Variants in MYOM1 observed in about 807,000 individuals in gnomAD.
The protein encoded by MYOM1 is myomesin 1.
Under a neutral mutation model 205.3 loss-of-function variants are expected in MYOM1, and 164 were observed. The observed-to-expected ratio is 0.80, with a 90% confidence interval of 0.70 to 0.91. The LOEUF (loss-of-function observed/expected upper bound fraction) is 0.91. Ranked by LOEUF, MYOM1 falls within the 40% of genes least tolerant of loss-of-function variation. The probability of loss-of-function intolerance (pLI) is 0.00; values close to 1 mark genes in which losing one functional copy is unlikely to be tolerated. For synonymous variants in MYOM1, 772 were observed against 789.4 expected (o/e 0.98, Z 0.37); for missense variants, 2,011 against 2,127.3 (o/e 0.95, Z 1.08).
In MYOM1 at chr18:3,071,878, C is replaced by A. The variant is rs1408010275; in HGVS notation, c.4720G>T (p.Val1574Leu). The A allele has an allele frequency of 6.2e-7, 1 of 1,605,298 alleles. No homozygotes were observed. The highest frequency in any genetic ancestry group is 8.5e-7 in the Non-Finnish European group (1 of 1,175,842). Residue 1574 changes from valine (V) to leucine (L), a missense_variant, in exon 37 of 38, where the codon GTG becomes TTG. Transcript: ENST00000356443. ...ACCACGTCTGGGAGACCTCCCAACA[C>A]CCGGGCACGATCTGCAAGCATAGGC... ...AAIAEKNRAR[V>L]LGGLPDVVTI...
intron 13 of MYOM1, 147 bp downstream of exon 13, chr18:3,148,998 T>C: frequency 1.5e-6 from 1 of 687,912 alleles, no homozygotes; most frequent in South Asian, 1.6e-5. Flanking sequence ...AATGGGATTC[T>C]CTGACATAAG....
chr18:3,121,791 C>T (rs893404610), intron 19 of MYOM1, among the ~76,000 whole-genome samples: 2 of 152,078 alleles, frequency 1.3e-5, no homozygotes, highest in Admixed American at 6.6e-5. Flanking sequence ...CTTTTAAAAA[C>T]GATTCAAAAA....
At chr18:3,242,752 A>G in the MYOM1 span, among the ~76,000 whole-genome samples, 1 of 152,160 alleles carries the variant, frequency 6.6e-6, no homozygotes, top group African/African-American at 2.4e-5. Flanking sequence ...CAAGCGATCC[A>G]GTCACTTTGG....
intron 12 of MYOM1, among the ~76,000 whole-genome samples, chr18:3,150,471 C>T (rs2080202513): frequency 6.6e-6 from 1 of 152,122 alleles, no homozygotes; most frequent in African/African-American, 2.4e-5. Context: ...GGTGGTTTTG[C>T]CCTTTAGGTG....
In MYOM1 at chr18:3,174,142, T is replaced by C. The variant is rs765138983; in HGVS notation, c.1089A>G (p.Ala363=). 3 of 1,613,904 alleles carry C rather than the reference T, an allele frequency of 1.9e-6. No individual in the cohort carries two copies. The highest frequency in any genetic ancestry group is 3.3e-5 in the Admixed American group (2 of 59,988). Residue 363 remains alanine, a synonymous_variant, in exon 7 of 38, where the codon GCA becomes GCG. Transcript: ENST00000356443. ...SAMNVKGELS[A]YASVVVKRYK... is the part of the protein sequence containing the mutation. ...TACTTTTTACCACAACTGAAGCATA[T>C]GCCGAAAGCTCTCCTTTAACATTCA...
intron 23 of MYOM1, among the ~76,000 whole-genome samples, chr18:3,102,162 C>T (rs1478044756): frequency 4.0e-5 from 6 of 151,676 alleles, no homozygotes; most frequent in African/African-American, 9.7e-5. Flanking sequence ...CCACCACACC[C>T]GGCTAATTTT....
At position 3,083,788 on chromosome 18, in the gene MYOM1, C is replaced by A; in HGVS notation, c.4484+1G>T. 6.4e-7 allele frequency: 1 copy of A among 1,562,368 alleles called. No individual in the cohort carries two copies. Among genetic ancestry groups the A allele is most frequent in the African/African-American group, 1.4e-5 (1 of 73,804 alleles). On this transcript the variant is annotated splice_donor_variant, in intron 33 of 37. Transcript: ENST00000356443. LOFTEE classifies it high-confidence loss of function. ...CAGCAAGTAAGTTCTCATTTACTTA[C>A]TTGTGGGACCAGTTAACTTTCAAAT...
At chr18:3,164,188 A>C (rs2080436535) in intron 10 of MYOM1, 90 bp downstream of exon 10, 6 of 1,367,998 alleles carry the variant, frequency 4.4e-6, no homozygotes, top group Non-Finnish European at 6.0e-6. Context: ...CATCATTATG[A>C]AACATGTTTG....
At chr18:3,190,924 AAATG>A (rs1340744717) in intron 3 of MYOM1, among the ~76,000 whole-genome samples, 1 of 152,238 alleles carries the variant, frequency 6.6e-6, no homozygotes, top group African/African-American at 2.4e-5. Context: ...CTAGAGGGCC[AAATG>A]AAGTGATAGT....
chr18:3,129,897 G>A (rs72860214), intron 17 of MYOM1, among the ~76,000 whole-genome samples: 5,188 of 152,164 alleles, frequency 0.034, 192 homozygotes, highest in African/African-American at 0.091. Context: ...ACTATAAAGT[G>A]CACAAGAGAC....
At chr18:3,181,231 T>C (rs1019316970) in intron 5 of MYOM1, among the ~76,000 whole-genome samples, 1 of 152,166 alleles carries the variant, frequency 6.6e-6, no homozygotes, top group African/African-American at 2.4e-5. Context: ...CGGCCAAAGA[T>C]GATCTTTAAT....
chr18:3,090,530 T>C (rs1387355548), intron 27 of MYOM1, 128 bp downstream of exon 27: 2 of 1,277,554 alleles, frequency 1.6e-6, no homozygotes, highest in Admixed American at 4.3e-5. Context: ...GAAAATTGTA[T>C]TTTGAACATT....
At position 3,176,097 on chromosome 18, in the gene MYOM1, G is replaced by A. The variant is rs1187039292; in HGVS notation, c.967C>T (p.Pro323Ser). 2 of 1,608,648 alleles carry A rather than the reference G, an allele frequency of 1.2e-6. No individual in the cohort carries two copies. Among genetic ancestry groups the A allele is most frequent in the Non-Finnish European group, 1.7e-6 (2 of 1,175,166 alleles). The change falls in exon 6 of 38, where the codon CCT (proline) becomes TCT (serine). Residue 323 changes from proline to serine, a missense_variant. By Grantham distance (74) the Pro-to-Ser change is moderately conservative (BLOSUM62 -1). Coordinates refer to ENST00000356443, the MANE Select transcript of MYOM1 (RefSeq NM_003803.4). Reference protein sequence around the residue: ...NQVPINVHANPGKYIIESRYG... With the variant: ...NQVPINVHANSGKYIIESRYG... ...CGACTCTCAATAATATACTTTCCAG[G>A]GTTTGCATGGACATTTATTGGCACC...
chr18:3,242,942 T>G, the MYOM1 span, among the ~76,000 whole-genome samples: 102 of 152,348 alleles, frequency 6.7e-4, no homozygotes, highest in African/African-American at 2.4e-3. Context: ...AGTATTTTAA[T>G]TTTTCTAAGC....
At chr18:3,162,446 G>C (rs769672851) in intron 10 of MYOM1, among the ~76,000 whole-genome samples, 3 of 152,132 alleles carry the variant, frequency 2.0e-5, no homozygotes, top group Non-Finnish European at 4.4e-5. Context: ...CTCCAATAAA[G>C]GGCTTGGTCT....
chr18:3,090,589 T>C, intron 27 of MYOM1, 69 bp downstream of exon 27: 1 of 1,566,008 alleles, frequency 6.4e-7, no homozygotes, highest in Non-Finnish European at 8.7e-7. Flanking sequence ...TAACAACTTT[T>C]GTGCCATGGG....
At chr18:3,113,506 T>TA (rs990835599) in intron 21 of MYOM1, among the ~76,000 whole-genome samples, 6 of 3,542 alleles carry the variant, frequency 1.7e-3, no homozygotes, top group African/African-American at 2.2e-3. Context: ...CTAAAAACAA[T>TA]TTTTTTTATA....
At chr18:3,225,927 T>C in the MYOM1 span, among the ~76,000 whole-genome samples, 1 of 152,222 alleles carries the variant, frequency 6.6e-6, no homozygotes, top group Non-Finnish European at 1.5e-5. Flanking sequence ...ACTGAAGTAT[T>C]GCCCTTTCAT....
Position 3,168,945 on chromosome 18 carries a change from T to G in MYOM1, c.1211A>C (p.Glu404Ala), listed in dbSNP as rs1417326106. 6.2e-7 allele frequency: 1 copy of G among 1,613,530 alleles called. No individual in the cohort carries two copies. The highest frequency in any genetic ancestry group is 1.7e-5 in the Admixed American group (1 of 59,952). The stretch of plus-strand genomic sequence containing the variant: ...ATCAAATTTGTCATCAAAGTGGATC[T>G]CAAACCGGGATGCATAACCATATGG... ...VTPYGYASRF[E>A]IHFDDKFDVS... Residue 404 changes from glutamate (E) to alanine (A), a missense_variant, in exon 9 of 38, where the codon GAG becomes GCG. Transcript: ENST00000356443.
Sources: allele counts gnomAD v4.1 joint callset (sites outside exome capture counted in the v4.1 genomes callset), GRCh38; gene constraint gnomAD v4.1.1; transcripts MANE v1.5; gene names NCBI Gene and HGNC (gene_info 2026-07-23, HGNC 2026-07-21).